MIR2052HG: variants seen among roughly 807,000 people sequenced by gnomAD.
MIR2052HG encodes MIR2052 host gene.
At chr8:74,714,064 T>G (rs1022772506) in intron 4 of MIR2052HG, among the ~76,000 whole-genome samples, 3 of 151,932 alleles carry the variant, frequency 2.0e-5, no homozygotes, top group African/African-American at 7.3e-5. Flanking sequence ...ACAACTAGGG[T>G]TTCTATCATG....
intron 2 of MIR2052HG, among the ~76,000 whole-genome samples, chr8:74,639,703 GA>G (rs550892049): frequency 2.0e-5 from 3 of 152,122 alleles, no homozygotes; most frequent in African/African-American, 7.2e-5. Context: ...TTTCTCTGTT[GA>G]AAAAGTGATT....
At chr8:74,731,410 G>A (rs7010022) in intron 4 of MIR2052HG, among the ~76,000 whole-genome samples, 16,090 of 152,092 alleles carry the variant, frequency 0.11, 1,937 homozygotes, top group African/African-American at 0.3. Context: ...TACCTATGGA[G>A]CCTCAACTAG....
intron 2 of MIR2052HG, among the ~76,000 whole-genome samples, chr8:74,700,965 T>C (rs1008737123): frequency 6.6e-6 from 1 of 152,110 alleles, no homozygotes; most frequent in African/African-American, 2.4e-5. Flanking sequence ...AAAGGAAAGA[T>C]AAATAAATAT....
At chr8:74,678,339 G>A (rs182574638) in intron 2 of MIR2052HG, among the ~76,000 whole-genome samples, 29 of 152,086 alleles carry the variant, frequency 1.9e-4, no homozygotes, top group Non-Finnish European at 3.7e-4. Flanking sequence ...CCGGCAGATC[G>A]CCTGAGGTCA....
At chr8:74,690,755 C>G (rs1011049558) in intron 2 of MIR2052HG, among the ~76,000 whole-genome samples, 59 of 152,144 alleles carry the variant, frequency 3.9e-4, no homozygotes, top group African/African-American at 1.4e-3. Flanking sequence ...CCTTCTATAC[C>G]TTGTAAGAAG....
chr8:74,630,498 A>G (rs1808494055), intron 2 of MIR2052HG, among the ~76,000 whole-genome samples: 1 of 151,184 alleles, frequency 6.6e-6, no homozygotes, highest in African/African-American at 2.4e-5. Context: ...AATCTTCAGA[A>G]AAAGGACAAA....
At position 74,675,733 on chromosome 8, in the gene MIR2052HG, TTAAATC is replaced by T. The variant is rs544405282; in HGVS notation, n.217-26642_217-26637del. 2.0e-5 allele frequency among the ~76,000 whole-genome samples: 3 copies of T among 151,976 alleles called. No individual in the cohort carries two copies. The South Asian group carries it at 6.2e-4, about 32-fold the overall frequency. On this transcript the variant is annotated intron_variant and non_coding_transcript_variant, in intron 2 of 6. Transcript: ENST00000523442. ...TATAAAATACCATAGAAAACACAAT[TTAAATC>T]TAAGAGTAGAATTTTAGGCACAGTA...
At chr8:74,717,465 A>G (rs954467797) in intron 4 of MIR2052HG, among the ~76,000 whole-genome samples, 6 of 152,138 alleles carry the variant, frequency 3.9e-5, no homozygotes, top group African/African-American at 1.4e-4. Flanking sequence ...TTTTGCCATT[A>G]CTTTAAATGG....
chr8:74,722,004 G>A (rs1335636632), intron 4 of MIR2052HG, among the ~76,000 whole-genome samples: 2 of 152,162 alleles, frequency 1.3e-5, no homozygotes, highest in African/African-American at 2.4e-5. Flanking sequence ...AAAACTCTGG[G>A]CAACATAGCA....
rs940052573 is a variant in MIR2052HG at position 74,602,873 on chromosome 8, C to CTTTCTTTCTTTCTTTCTTTCTTTCTTTT, written n.128+2968_128+2969insCTTTCTTTCTTTCTTTCTTTCTTTTTTT. ...TCTTTCTTTCTTTCTTTCTTTCTTT[C>CTTTCTTTCTTTCTTTCTTTCTTTCTTTT]TTTTTTCTATTCACAAAGAAAAAGC... is the stretch of plus-strand genomic sequence containing the variant. On this transcript the variant is annotated intron_variant and non_coding_transcript_variant, in intron 1 of 6. Transcript: ENST00000523442. 1.3e-3 allele frequency among the ~76,000 whole-genome samples: 185 copies of CTTTCTTTCTTTCTTTCTTTCTTTCTTTT among 138,764 alleles called. 2 individuals are homozygous for CTTTCTTTCTTTCTTTCTTTCTTTCTTTT. Among genetic ancestry groups the CTTTCTTTCTTTCTTTCTTTCTTTCTTTT allele is most frequent in the African/African-American group, 4.9e-3 (180 of 36,684 alleles). The allele number at this position is 138,764 out of a possible 152,430, so 91.0% of individuals were successfully genotyped here. A position where few individuals can be genotyped will look rare whatever the true frequency, so the allele number is the denominator to read the frequency against.
At chr8:74,665,647 T>G (rs941326390) in intron 2 of MIR2052HG, among the ~76,000 whole-genome samples, 6 of 152,202 alleles carry the variant, frequency 3.9e-5, no homozygotes, top group African/African-American at 1.4e-4. Context: ...CTCCATTTTA[T>G]TTTGACCACA....
intron 2 of MIR2052HG, among the ~76,000 whole-genome samples, chr8:74,639,629 G>A (rs757151981): frequency 1.3e-5 from 2 of 152,068 alleles, no homozygotes; most frequent in Non-Finnish European, 2.9e-5. Flanking sequence ...TCATTGCTTA[G>A]CCCATGATAT....
intron 2 of MIR2052HG, among the ~76,000 whole-genome samples, chr8:74,628,107 G>T (rs1409488893): frequency 6.6e-6 from 1 of 152,116 alleles, no homozygotes; most frequent in Non-Finnish European, 1.5e-5. Context: ...GGAAGAGAGA[G>T]TAACTCATAT....
At chr8:74,628,987 T>A (rs1221848373) in intron 2 of MIR2052HG, 3 of 152,118 alleles carry the variant, frequency 2.0e-5, no homozygotes, top group African/African-American at 7.2e-5. Context: ...TGAAAAAAAT[T>A]GTGAAGGCTT....
At chr8:74,626,785 G>T (rs1267820183) in intron 2 of MIR2052HG, among the ~76,000 whole-genome samples, 1 of 152,136 alleles carries the variant, frequency 6.6e-6, no homozygotes, top group Non-Finnish European at 1.5e-5. Flanking sequence ...TCCCTACATT[G>T]TAACTCTGCA....
intron 2 of MIR2052HG, among the ~76,000 whole-genome samples, chr8:74,692,931 C>G (rs1444966896): frequency 6.6e-6 from 1 of 151,936 alleles, no homozygotes; most frequent in African/African-American, 2.4e-5. Flanking sequence ...ATGATTTGGT[C>G]AAGAAAAGAC....
intron 3 of MIR2052HG, chr8:74,702,475 A>G: frequency 4.4e-6 from 2 of 450,082 alleles, no homozygotes; most frequent in Non-Finnish European, 9.0e-6. Flanking sequence ...GTTCTTCTGA[A>G]GACTTGCCTG....
intron 2 of MIR2052HG, among the ~76,000 whole-genome samples, chr8:74,649,894 A>C (rs971734453): frequency 5.3e-5 from 8 of 152,054 alleles, no homozygotes; most frequent in African/African-American, 1.9e-4. Flanking sequence ...AGTCACCAAC[A>C]TTTGGCTCTA....
At chr8:74,747,780 C>T (rs575322071) in intron 4 of MIR2052HG, among the ~76,000 whole-genome samples, 4 of 152,254 alleles carry the variant, frequency 2.6e-5, no homozygotes, top group African/African-American at 9.6e-5. Flanking sequence ...AAAAACTTAT[C>T]TAAACTGAGA....
Sources: allele counts gnomAD v4.1 joint callset (sites outside exome capture counted in the v4.1 genomes callset), GRCh38; gene constraint gnomAD v4.1.1; transcripts MANE v1.5; gene names NCBI Gene and HGNC (gene_info 2026-07-23, HGNC 2026-07-21).